Variants in PDLIM2 observed in about 807,000 individuals in gnomAD.
PDLIM2 encodes the protein PDZ and LIM domain protein 2.
Under a neutral mutation model 54.1 loss-of-function variants are expected in PDLIM2, and 51 were observed. The ratio of observed to expected loss-of-function variants is 0.94; its 90% CI spans 0.75 to 1.19. The LOEUF is 1.19. Ranked by LOEUF, PDLIM2 falls within the 50% of genes most tolerant of loss-of-function variation. The pLI, the probability that PDLIM2 is intolerant of heterozygous loss-of-function variation, is 0.00. For synonymous variants in PDLIM2, 398 were observed against 385.6 expected (o/e 1.03, Z -0.38); for missense variants, 912 against 874.0 (o/e 1.04, Z -0.55).
chr8:22,585,622 G>A (rs1014962790), intron 6 of PDLIM2: 13 of 52,816 alleles, frequency 2.5e-4, no homozygotes, highest in East Asian at 1.5e-3. Flanking sequence ...CCAGTAGCCC[G>A]TCCATCTCCT....
intron 6 of PDLIM2, 77 bp from the exon 6 acceptor site, chr8:22,589,221 A>T: frequency 6.8e-7 from 1 of 1,476,250 alleles, no homozygotes; most frequent in Non-Finnish European, 9.1e-7. Context: ...GCCTGGGAAC[A>T]GCCGGGCTAG....
rs1370967998 is a variant in PDLIM2 at position 22,582,916 on chromosome 8, C to G, written c.995+1386C>G. 3.0e-4 allele frequency among the ~76,000 whole-genome samples: 34 copies of G among 114,884 alleles called. 1 individual carries two copies. The highest frequency in any genetic ancestry group is 2.1e-3 in the South Asian group (5 of 2,418). The allele number at this position is 114,884 out of a possible 152,430, so 75.4% of individuals were successfully genotyped here. On this transcript the variant is annotated intron_variant, in intron 3 of 9. Coordinates refer to ENST00000308354, the Ensembl canonical transcript of PDLIM2. ...TTTGCTGACGTGATGCCCACCCCCC[C>G]CCCCGCCCCCATCTCCCGCCTCCTA...
At chr8:22,591,529 T>C in intron 8 of PDLIM2, 22 bp from the exon 8 acceptor site, 2 of 1,605,934 alleles carry the variant, frequency 1.2e-6, no homozygotes, top group East Asian at 4.5e-5. Context: ...TCTCACCACA[T>C]GTCTGTCTGC....
intron 2 of PDLIM2, 57 bp downstream of exon 1, chr8:22,580,754 G>C: frequency 6.4e-7 from 1 of 1,550,714 alleles, no homozygotes. Flanking sequence ...GGTCGGCCCT[G>C]TTCACCCCAC....
intron 6 of PDLIM2, among the ~76,000 whole-genome samples, chr8:22,585,863 G>A (rs1800366204): frequency 6.6e-6 from 1 of 150,860 alleles, no homozygotes. Context: ...ATGCCCCAGT[G>A]GGACTGCGGT....
intron 8 of PDLIM2, chr8:22,591,266 A>G (rs73672776): frequency 0.011 from 5,367 of 505,324 alleles, 251 homozygotes; most frequent in African/African-American, 0.093. Context: ...TGTTATTACC[A>G]GGTCATTAGA....
chr8:22,594,479 T>C (rs759068873), downstream of PDLIM2: 3 of 1,612,490 alleles, frequency 1.9e-6, no homozygotes, highest in South Asian at 2.2e-5. Context: ...CTCTTTTAGG[T>C]TGGGAGTCAT....
At chr8:22,578,828 C>A in exon 1 of PDLIM2, 5 of 1,234,378 alleles carry the variant, frequency 4.1e-6, no homozygotes, top group Non-Finnish European at 5.1e-6. Flanking sequence ...TATGGGGCTG[C>A]CCCCTCGATC....
intron 1 of PDLIM2, chr8:22,579,946 C>T (rs2117333614): frequency 5.4e-6 from 1 of 186,738 alleles, no homozygotes; most frequent in Non-Finnish European, 1.1e-5. Flanking sequence ...CCCTGGCAGC[C>T]GGCCCCTGGG....
chr8:22,580,473 G>A lies in PDLIM2; in HGVS notation c.749-130G>A, dbSNP rs1482386129. On this transcript the variant is annotated intron_variant, in intron 1 of 9. Transcript: ENST00000308354. Reference sequence around the variant, plus strand: ...AGCCACTTCCTCTACCCACCCCAAAGCCCCTGAGTAGCTGCTCCGGGAGCT... The same window carrying A: ...AGCCACTTCCTCTACCCACCCCAAAACCCCTGAGTAGCTGCTCCGGGAGCT... 6.5e-7 allele frequency: 1 copy of A among 1,543,732 alleles called. No homozygotes were observed. Among genetic ancestry groups the A allele is most frequent in the African/African-American group, 1.4e-5 (1 of 72,960 alleles).
At chr8:22,585,273 G>A (rs774308224) in intron 5 of PDLIM2, 48 bp from the exon 5 acceptor site, 3 of 1,604,824 alleles carry the variant, frequency 1.9e-6, no homozygotes, top group Non-Finnish European at 2.6e-6. Context: ...TCCTCCCTGG[G>A]CAGGCTGGGG....
chr8:22,579,711 G>A (rs1330039221), intron 1 of PDLIM2: 5 of 667,616 alleles, frequency 7.5e-6, no homozygotes, highest in Non-Finnish European at 1.1e-5. Context: ...ATGGGTGCTG[G>A]GCAGGGTGGT....
chr8:22,582,490 G>A (rs1050901580), intron 3 of PDLIM2, among the ~76,000 whole-genome samples: 2 of 152,124 alleles, frequency 1.3e-5, no homozygotes, highest in Non-Finnish European at 2.9e-5. Context: ...GGGGTTCTCT[G>A]GAGGGACCAG....
intron 9 of PDLIM2, chr8:22,592,077 C>CTTTTCTTTTCTTTTCTTTTTTT (rs143613807): frequency 1.1e-5 from 1 of 95,188 alleles, no homozygotes; most frequent in African/African-American, 4.9e-5. Context: ...TCTTTCTTTT[C>CTTTTCTTTTCTTTTCTTTTTTT]TTTTTTTTTT....
At chr8:22,584,863 C>A in exon 4 of PDLIM2, 1 of 1,614,136 alleles carries the variant, frequency 6.2e-7, no homozygotes. Context: ...GGGACAGCTC[C>A]TTGGAAGTGC....
rs989440015 is a variant in PDLIM2 at position 22,578,988 on chromosome 8, C to T, written c.209C>T (p.Pro70Leu). 1.8e-5 allele frequency: 22 copies of T among 1,242,198 alleles called. No homozygotes were observed. The highest frequency in any genetic ancestry group is 1.3e-4 in the Admixed American group (3 of 23,740). 76.9% of individuals were successfully genotyped at this position (1,242,198 alleles called of 1,614,324 possible). Residue 70 changes from proline to leucine, a missense_variant, in exon 1 of 10, where the codon CCC (proline) becomes CTC (leucine). Transcript: ENST00000308354. ...GGCCCTGGGGACAGCCTGCCTCATCCCCCCGGCGGGCTCGGGCCAGGTGGC... is the reference window on the plus strand; with the variant it reads ...GGCCCTGGGGACAGCCTGCCTCATCTCCCCGGCGGGCTCGGGCCAGGTGGC...
chr8:22,594,006 G>A, exon 10 of PDLIM2: 4 of 1,475,342 alleles, frequency 2.7e-6, no homozygotes, highest in Non-Finnish European at 3.6e-6. Flanking sequence ...GCTCTTACAT[G>A]AGCTAAGTTT....
chr8:22,579,291 C>G lies in PDLIM2; in HGVS notation c.512C>G (p.Pro171Arg), dbSNP rs930305175. ...CCCGGCGCCGGGCTCCTCTCCGCGC[C>G]CCTGTCGGCGCGGAACCCTGGCCTC... Residue 171 changes from proline (P) to arginine (R), a missense_variant, in exon 1 of 10, where the codon CCC (proline) becomes CGC (arginine). Physicochemically the swap from Pro to Arg is moderately radical, Grantham distance 103 (BLOSUM62 -2). Transcript: ENST00000308354. The G allele has an allele frequency of 1.4e-6, 2 of 1,385,200 alleles. No individual in the cohort carries two copies. The highest frequency in any genetic ancestry group is 3.0e-5 in the African/African-American group (2 of 65,672). The allele number at this position is 1,385,200 out of a possible 1,614,324, so 85.8% of individuals were successfully genotyped here. A position where few individuals can be genotyped will look rare whatever the true frequency, so the allele number is the denominator to read the frequency against.
chr8:22,582,918 C>CCG (rs1554553601), intron 3 of PDLIM2, among the ~76,000 whole-genome samples: 1 of 120,404 alleles, frequency 8.3e-6, no homozygotes, highest in African/African-American at 3.1e-5. Flanking sequence ...CACCCCCCCC[C>CCG]CCGCCCCCAT....
Sources: allele counts gnomAD v4.1 joint callset (sites outside exome capture counted in the v4.1 genomes callset), GRCh38; gene constraint gnomAD v4.1.1; transcripts MANE v1.5; gene names NCBI Gene and HGNC (gene_info 2026-07-23, HGNC 2026-07-21).